Variants in ZMYM2 observed in about 807,000 individuals in gnomAD.
The protein encoded by ZMYM2 is zinc finger MYM-type protein 2.
In ZMYM2, 56 loss-of-function variants were observed where a neutral mutation model predicts 162.8. That is an observed-to-expected ratio of 0.34 (90% confidence interval 0.28 to 0.43). The LOEUF (loss-of-function observed/expected upper bound fraction) is 0.43, where lower values mean the gene tolerates loss of function less well. ZMYM2 is among the 20% of genes least tolerant of loss of function. The probability of loss-of-function intolerance (pLI) is 1.00; values close to 1 mark genes in which losing one functional copy is unlikely to be tolerated. For synonymous variants in ZMYM2, 510 were observed against 541.6 expected, an observed-to-expected ratio of 0.94 and a Z score of 0.81; for missense variants, 1,275 against 1,621.8, an observed-to-expected ratio of 0.79 and a Z score of 3.67.
chr13:19,878,951 TCTG>T, the ZMYM2 span, among the ~76,000 whole-genome samples: 5 of 152,350 alleles, frequency 3.3e-5, no homozygotes, highest in Admixed American at 2.0e-4. Flanking sequence ...GCCTTTTTAC[TCTG>T]CTGACAGCAT....
chr13:19,896,310 ATTTT>A, the ZMYM2 span, among the ~76,000 whole-genome samples: 5 of 151,214 alleles, frequency 3.3e-5, no homozygotes, highest in African/African-American at 4.9e-5. Flanking sequence ...CGCCTGGCTA[ATTTT>A]TGTATTTTTA....
At position 20,028,698 on chromosome 13, in the gene ZMYM2, C is replaced by T. The variant is rs529197680; in HGVS notation, c.1851+1380C>T. Among the ~76,000 whole-genome samples, 4 of 152,220 alleles carry T rather than the reference C, an allele frequency of 2.6e-5. No individual in the cohort carries two copies. In the East Asian group the frequency reaches 5.8e-4, roughly 22 times the overall value. ...TACTTTAAATCACATCTAGATTACC[C>T]TTAATATCTAATGCCATGTAAATGC... On this transcript the variant is annotated intron_variant, in intron 9 of 24. Transcript: ENST00000610343.
At chr13:19,895,725 T>A in the ZMYM2 span, among the ~76,000 whole-genome samples, 1 of 151,838 alleles carries the variant, frequency 6.6e-6, no homozygotes, top group African/African-American at 2.4e-5. Context: ...ACATTAGGGA[T>A]TAAATTTCAA....
chr13:19,967,652 G>C (rs1242740619), intron 2 of ZMYM2, among the ~76,000 whole-genome samples: 1 of 152,132 alleles, frequency 6.6e-6, no homozygotes, highest in Non-Finnish European at 1.5e-5. Context: ...TTACCAGTTT[G>C]CGATATCAGG....
At chr13:19,878,819 C>A in the ZMYM2 span, among the ~76,000 whole-genome samples, 2 of 152,090 alleles carry the variant, frequency 1.3e-5, no homozygotes, top group Middle Eastern at 3.2e-3. Context: ...AGCCCTTTGC[C>A]CATTTTTGAA....
chr13:19,983,662 T>G (rs948305145), intron 2 of ZMYM2, among the ~76,000 whole-genome samples: 8 of 152,168 alleles, frequency 5.3e-5, no homozygotes, highest in African/African-American at 1.7e-4. Flanking sequence ...AGAGTCTCGC[T>G]CTCTTGCCCA....
chr13:20,087,633 A>G lies in ZMYM2; in HGVS notation c.*1619A>G. On this transcript the variant is annotated 3_prime_UTR_variant, in exon 25 of 25. Transcript: ENST00000610343. Reference sequence around the variant, plus strand: ...AAAATTTCACAGGTGTCATTATTGTATATCTAAGCAATAATTATCTGAATG... The same window carrying G: ...AAAATTTCACAGGTGTCATTATTGTGTATCTAAGCAATAATTATCTGAATG... The G allele has an allele frequency of 5.4e-6, 1 of 184,402 alleles. No homozygotes were observed. The highest frequency in any genetic ancestry group is 8.8e-5 in the East Asian group (1 of 11,318). 11.4% of individuals were successfully genotyped at this position (184,402 alleles called of 1,614,324 possible). A position where few individuals can be genotyped will look rare whatever the true frequency, so the allele number is the denominator to read the frequency against.
At chr13:19,919,256 A>T in the ZMYM2 span, among the ~76,000 whole-genome samples, 1 of 152,064 alleles carries the variant, frequency 6.6e-6, no homozygotes, top group African/African-American at 2.4e-5. Flanking sequence ...TATTGAAGAA[A>T]ATTTTTTTGT....
chr13:19,870,362 TC>T, the ZMYM2 span, among the ~76,000 whole-genome samples: 3 of 151,528 alleles, frequency 2.0e-5, no homozygotes, highest in African/African-American at 7.3e-5. Flanking sequence ...GGTCTCAAAC[TC>T]CTGAGCTCAA....
chr13:19,891,953 C>T, the ZMYM2 span, among the ~76,000 whole-genome samples: 2 of 151,672 alleles, frequency 1.3e-5, no homozygotes, highest in African/African-American at 4.9e-5. Flanking sequence ...CTGCTGGTTT[C>T]CTCATTAAGG....
intron 2 of ZMYM2, among the ~76,000 whole-genome samples, chr13:19,971,339 C>T (rs1956322460): frequency 7.2e-6 from 1 of 138,368 alleles, no homozygotes; most frequent in Admixed American, 7.4e-5. Context: ...GGTGTGATCT[C>T]GGCTCACCAC....
At chr13:19,992,221 T>A (rs1181551626) in intron 2 of ZMYM2, among the ~76,000 whole-genome samples, 1 of 152,080 alleles carries the variant, frequency 6.6e-6, no homozygotes, top group Non-Finnish European at 1.5e-5. Context: ...AATTGTACAA[T>A]TAATGGGAGC....
chr13:20,078,167 G>A (rs550626328), intron 21 of ZMYM2, among the ~76,000 whole-genome samples: 1 of 151,812 alleles, frequency 6.6e-6, no homozygotes, highest in African/African-American at 2.4e-5. Flanking sequence ...TTTTTCTTGG[G>A]CGTAGCATCT....
chr13:19,872,285 T>G, the ZMYM2 span, among the ~76,000 whole-genome samples: 3 of 152,146 alleles, frequency 2.0e-5, no homozygotes, highest in East Asian at 5.8e-4. Flanking sequence ...GCACGGTGGC[T>G]CATGCCTGTA....
chr13:19,994,553 A>G (rs1379323149), intron 3 of ZMYM2, among the ~76,000 whole-genome samples: 2 of 151,906 alleles, frequency 1.3e-5, no homozygotes, highest in African/African-American at 4.8e-5. Flanking sequence ...GCAGTGGCGC[A>G]ATCTTGGCTC....
chr13:19,898,132 A>G, the ZMYM2 span, among the ~76,000 whole-genome samples: 1 of 152,204 alleles, frequency 6.6e-6, no homozygotes, highest in African/African-American at 2.4e-5. Context: ...AAAGATAGAA[A>G]TCATACAAAG....
At chr13:20,066,501 A>C (rs1420903387) in intron 19 of ZMYM2, 1 of 172,820 alleles carries the variant, frequency 5.8e-6, no homozygotes, top group African/African-American at 2.4e-5. Context: ...TTTTTATAAT[A>C]AAGTTAGCTA....
chr13:19,914,362 A>C, the ZMYM2 span, among the ~76,000 whole-genome samples: 1 of 152,250 alleles, frequency 6.6e-6, no homozygotes, highest in Non-Finnish European at 1.5e-5. Flanking sequence ...CATTGGGCTC[A>C]TGAACTTAGT....
intron 14 of ZMYM2, among the ~76,000 whole-genome samples, chr13:20,053,968 A>G (rs1955583314): frequency 6.6e-6 from 1 of 152,200 alleles, no homozygotes; most frequent in Admixed American, 6.5e-5. Context: ...TTATAAGGCA[A>G]CTATTAGCAC....
Sources: allele counts gnomAD v4.1 joint callset (sites outside exome capture counted in the v4.1 genomes callset), GRCh38; gene constraint gnomAD v4.1.1; transcripts MANE v1.5; gene names NCBI Gene and HGNC (gene_info 2026-07-23, HGNC 2026-07-21).